The following PRDM5 variants were observed in gnomAD, a reference collection of about 807,000 sequenced individuals.
PRDM5 encodes the protein PR/SET domain 5.
A neutral mutation model predicts 81.2 loss-of-function variants in PRDM5; 56 were observed. The observed-to-expected ratio is 0.69, with a 90% CI of 0.56 to 0.86. PRDM5 has a LOEUF of 0.86. Ranked by LOEUF, PRDM5 falls within the 40% of genes least tolerant of loss-of-function variation. The pLI, the probability that PRDM5 is intolerant of heterozygous loss-of-function variation, is 0.00. For missense variants in PRDM5, 697 were observed against 770.1 expected, an observed-to-expected ratio of 0.91 and a Z score of 1.12; for synonymous variants, 267 against 256.4, an observed-to-expected ratio of 1.04 and a Z score of -0.39.
At chr4:120,724,601 T>C (rs11931792) in intron 14 of PRDM5, among the ~76,000 whole-genome samples, 1 of 152,158 alleles carries the variant, frequency 6.6e-6, no homozygotes, top group Non-Finnish European at 1.5e-5. Flanking sequence ...TTCTGACATA[T>C]GTGATGGTGG....
chr4:120,850,154 A>T (rs1359585218), intron 3 of PRDM5, among the ~76,000 whole-genome samples: 1 of 152,120 alleles, frequency 6.6e-6, no homozygotes, highest in Non-Finnish European at 1.5e-5. Flanking sequence ...TGGACCAAGT[A>T]TTGACGTTTT....
intron 2 of PRDM5, among the ~76,000 whole-genome samples, chr4:120,867,725 T>G (rs1761347997): frequency 6.6e-6 from 1 of 152,216 alleles, no homozygotes; most frequent in Admixed American, 6.5e-5. Flanking sequence ...CAAGGGAGTG[T>G]TTTTAATTTT....
chr4:120,785,165 T>C lies in PRDM5; in HGVS notation c.1189-74A>G, dbSNP rs1749597604. On this transcript the variant is annotated intron_variant, in intron 10 of 15. Transcript: ENST00000264808. ...TTACAATGAACGAGTGGAGCTTGGA[T>C]TCATGATGCGAAAGAGGAAAGAAGG... The C allele has an allele frequency of 6.1e-6, 7 of 1,146,758 alleles. No individual in the cohort carries two copies. The South Asian group carries it at 6.1e-5, about 10-fold the overall frequency. 71.0% of individuals were successfully genotyped at this position (1,146,758 alleles called of 1,614,324 possible).
chr4:120,777,065 G>C (rs529213518), intron 13 of PRDM5, 123 bp downstream of exon 13: 2 of 1,551,274 alleles, frequency 1.3e-6, no homozygotes, highest in Non-Finnish European at 1.7e-6. Flanking sequence ...CTTTAAGAGA[G>C]AGAAAACAGC....
chr4:120,873,319 G>A (rs2148549375), intron 2 of PRDM5, among the ~76,000 whole-genome samples: 1 of 152,044 alleles, frequency 6.6e-6, no homozygotes, highest in Middle Eastern at 3.4e-3. Flanking sequence ...TTTTTAAGAA[G>A]AGAAAAAAAC....
intron 2 of PRDM5, among the ~76,000 whole-genome samples, chr4:120,876,978 A>G (rs1762388211): frequency 6.6e-6 from 1 of 152,172 alleles, no homozygotes; most frequent in Non-Finnish European, 1.5e-5. Flanking sequence ...TAAAACTCTA[A>G]ATAGGTGTCT....
chr4:120,842,097 T>C (rs186988741), intron 3 of PRDM5, among the ~76,000 whole-genome samples: 1 of 152,364 alleles, frequency 6.6e-6, no homozygotes, highest in East Asian at 1.9e-4. Flanking sequence ...TGGTTGTTAA[T>C]CAACAGAGTA....
chr4:120,700,451 C>G (rs1003305617), intron 15 of PRDM5, among the ~76,000 whole-genome samples: 14 of 152,084 alleles, frequency 9.2e-5, no homozygotes, highest in African/African-American at 3.1e-4. Flanking sequence ...ACAAAAAATT[C>G]ACAAGTGAAA....
intron 1 of PRDM5, among the ~76,000 whole-genome samples, chr4:120,916,210 A>C (rs1724144322): frequency 6.6e-6 from 1 of 152,044 alleles, no homozygotes; most frequent in Admixed American, 6.6e-5. Flanking sequence ...CCAACATGGT[A>C]AAACCCTGTC....
intron 10 of PRDM5, among the ~76,000 whole-genome samples, chr4:120,790,254 G>A (rs953173987): frequency 7.2e-5 from 11 of 152,262 alleles, no homozygotes; most frequent in Admixed American, 1.3e-4. Flanking sequence ...AACTTAGAGC[G>A]TGCTGAACAA....
intron 3 of PRDM5, among the ~76,000 whole-genome samples, chr4:120,825,128 G>A (rs1415689820): frequency 6.6e-6 from 1 of 152,062 alleles, no homozygotes; most frequent in Non-Finnish European, 1.5e-5. Context: ...CTATGTGACT[G>A]AGCAAACAGC....
chr4:120,901,384 C>CTGGTAATTACA, intron 2 of PRDM5, among the ~76,000 whole-genome samples: 1 of 151,990 alleles, frequency 6.6e-6, no homozygotes, highest in South Asian at 2.1e-4. Flanking sequence ...GACTAATTAC[C>CTGGTAATTACA]CTGGTAATAC....
At chr4:120,689,829 G>A (rs1329575351), downstream of PRDM5, among the ~76,000 whole-genome samples, 1 of 152,050 alleles carries the variant, frequency 6.6e-6, no homozygotes, top group Admixed American at 6.6e-5. Context: ...TGCACAGGCT[G>A]TTGTCGAACT....
At chr4:120,705,167 A>T (rs1285756872) in intron 15 of PRDM5, among the ~76,000 whole-genome samples, 1 of 152,186 alleles carries the variant, frequency 6.6e-6, no homozygotes, top group Non-Finnish European at 1.5e-5. Context: ...AATGATTTAA[A>T]CATGAACAAA....
In PRDM5 at chr4:120,887,869, T is replaced by G. The variant is rs552313046; in HGVS notation, c.177+19605A>C. Reference sequence around the variant, plus strand: ...GTGCAGTGGCGCAATCTCGGCTCACTGCAAGCTCCGCCTCCCGGGTTCACG... The same window carrying G: ...GTGCAGTGGCGCAATCTCGGCTCACGGCAAGCTCCGCCTCCCGGGTTCACG... On this transcript the variant is annotated intron_variant, in intron 2 of 15. Coordinates refer to ENST00000264808, the MANE Select transcript of PRDM5 (RefSeq NM_018699.4). 3.7e-5 allele frequency among the ~76,000 whole-genome samples: 2 copies of G among 54,022 alleles called. 1 individual carries two copies. The highest frequency in any genetic ancestry group is 3.8e-4 in the African/African-American group (2 of 5,214). The allele number at this position is 54,022 out of a possible 152,430, so 35.4% of individuals were successfully genotyped here. A position where few individuals can be genotyped will look rare whatever the true frequency, so the allele number is the denominator to read the frequency against.
chr4:120,699,161 A>AATATAAAT (rs1286927101), intron 15 of PRDM5, among the ~76,000 whole-genome samples: 855 of 73,154 alleles, frequency 0.012, 8 homozygotes, highest in Non-Finnish European at 0.019. Context: ...AGGAAATATA[A>AATATAAAT]ATATATATAT....
At chr4:120,889,242 T>C (rs1763790705) in intron 2 of PRDM5, among the ~76,000 whole-genome samples, 1 of 152,194 alleles carries the variant, frequency 6.6e-6, no homozygotes, top group African/African-American at 2.4e-5. Context: ...TGATTTTTCA[T>C]ATATGATGTG....
chr4:120,696,702 A>AT (rs141861520), intron 15 of PRDM5, among the ~76,000 whole-genome samples: 75 of 150,582 alleles, frequency 5.0e-4, no homozygotes, highest in African/African-American at 1.1e-3. Flanking sequence ...GTCAGTGTAC[A>AT]TTTTTTTTTT....
At chr4:120,830,854 T>C (rs1303879396) in intron 3 of PRDM5, among the ~76,000 whole-genome samples, 1 of 151,958 alleles carries the variant, frequency 6.6e-6, no homozygotes, top group Non-Finnish European at 1.5e-5. Flanking sequence ...AAAAATCAAG[T>C]CTATAAGCAA....
Sources: gnomAD v4.1 joint callset for allele counts (sites outside exome capture counted in the v4.1 genomes callset) on GRCh38, gnomAD v4.1.1 for gene constraint, MANE v1.5 for transcripts, NCBI Gene and HGNC (gene_info 2026-07-23, HGNC 2026-07-21) for gene names.